PDE8B: variants seen among roughly 807,000 people sequenced by gnomAD.
PDE8B encodes the protein phosphodiesterase 8B.
In PDE8B, 26 loss-of-function variants were observed where a neutral mutation model predicts 101.3. The ratio of observed to expected loss-of-function variants is 0.26; its 90% CI spans 0.19 to 0.36. The LOEUF (loss-of-function observed/expected upper bound fraction) is 0.36, where lower values mean the gene tolerates loss of function less well. Ranked by LOEUF, PDE8B falls within the 10% of genes least tolerant of loss-of-function variation. The pLI, the probability that PDE8B is intolerant of heterozygous loss-of-function variation, is 1.00. For missense variants in PDE8B, 810 were observed against 1,163.1 expected, an observed-to-expected ratio of 0.70 and a Z score of 4.42; for synonymous variants, 424 against 429.3, an observed-to-expected ratio of 0.99 and a Z score of 0.15.
the PDE8B span, chr5:77,147,895 A>G: frequency 6.6e-6 from 1 of 152,212 alleles, no homozygotes. Context: ...TCTCATGAAT[A>G]TGAGCCAGAC....
intron 20 of PDE8B, among the ~76,000 whole-genome samples, chr5:77,425,502 G>A (rs572163831): frequency 1.6e-4 from 24 of 152,228 alleles, no homozygotes; most frequent in Middle Eastern, 3.4e-3. Flanking sequence ...GCAGTGAACC[G>A]AGACTGCACC....
the PDE8B span, among the ~76,000 whole-genome samples, chr5:77,151,653 C>A: frequency 2.0e-5 from 3 of 152,100 alleles, no homozygotes; most frequent in Non-Finnish European, 4.4e-5. Flanking sequence ...GAACACAAGG[C>A]ATGGAGAGGT....
At chr5:77,300,478 C>A (rs1352918244) in intron 1 of PDE8B, among the ~76,000 whole-genome samples, 1 of 152,180 alleles carries the variant, frequency 6.6e-6, no homozygotes, top group Non-Finnish European at 1.5e-5. Context: ...ACCATGGGAG[C>A]CCATCTTCAG....
chr5:77,295,125 C>T (rs1427228622), intron 1 of PDE8B, among the ~76,000 whole-genome samples: 2 of 152,046 alleles, frequency 1.3e-5, no homozygotes, highest in African/African-American at 2.4e-5. Flanking sequence ...GCATCAGAAC[C>T]TGAGAGCAAT....
chr5:77,161,301 T>A, the PDE8B span, among the ~76,000 whole-genome samples: 1 of 152,224 alleles, frequency 6.6e-6, no homozygotes, highest in African/African-American at 2.4e-5. Flanking sequence ...ATATAATACA[T>A]ACTTTTCCAC....
chr5:77,229,665 G>A (rs189017544), intron 1 of PDE8B, among the ~76,000 whole-genome samples: 6 of 152,306 alleles, frequency 3.9e-5, no homozygotes, highest in African/African-American at 1.2e-4. Context: ...GCCTATTGTG[G>A]ACATTTCCTA....
At chr5:77,378,044 A>G (rs1440254415) in intron 10 of PDE8B, among the ~76,000 whole-genome samples, 1 of 104,910 alleles carries the variant, frequency 9.5e-6, no homozygotes, top group East Asian at 2.3e-4. Flanking sequence ...ACACACACAC[A>G]CACACCCCCT....
intron 1 of PDE8B, among the ~76,000 whole-genome samples, chr5:77,290,065 A>G (rs527877797): frequency 6.6e-6 from 1 of 152,388 alleles, no homozygotes; most frequent in South Asian, 2.1e-4. Flanking sequence ...TGCTGTGCCA[A>G]GATACATCCG....
intron 10 of PDE8B, among the ~76,000 whole-genome samples, chr5:77,389,042 T>C (rs1295844921): frequency 6.6e-6 from 1 of 152,132 alleles, no homozygotes; most frequent in Non-Finnish European, 1.5e-5. Flanking sequence ...CCAGACCACT[T>C]GGCTCCCTGG....
intron 1 of PDE8B, among the ~76,000 whole-genome samples, chr5:77,221,673 A>G (rs1751123375): frequency 1.3e-5 from 2 of 152,232 alleles, no homozygotes; most frequent in Admixed American, 1.3e-4. Flanking sequence ...TTTTTTCAAG[A>G]GTTGACTCCC....
At position 77,425,937 on chromosome 5, in the gene PDE8B, T is replaced by G. The variant is rs762768299; in HGVS notation, c.2548+41T>G. The G allele has an allele frequency of 8.2e-6, 13 of 1,585,520 alleles. 1 individual carries two copies. The highest frequency in any genetic ancestry group is 3.4e-4 in the Middle Eastern group (2 of 5,918). On this transcript the variant is annotated intron_variant, in intron 21 of 21. Transcript: ENST00000264917. ...TTTTGTCACCCAAAGAAAATTGTTA[T>G]ACTTTACGAATATTATCTTTAGTGA... is the stretch of plus-strand genomic sequence containing the variant.
chr5:77,170,344 TA>T, the PDE8B span, among the ~76,000 whole-genome samples: 16 of 152,134 alleles, frequency 1.1e-4, no homozygotes. Flanking sequence ...TCCCTTCTCT[TA>T]AGGAGCTCAT....
At chr5:77,251,337 TTTC>T (rs1758015453) in intron 1 of PDE8B, among the ~76,000 whole-genome samples, 1 of 152,236 alleles carries the variant, frequency 6.6e-6, no homozygotes, top group Non-Finnish European at 1.5e-5. Context: ...TAGGTGTGAC[TTTC>T]TTCTTATATA....
chr5:77,103,370 C>T, the PDE8B span, among the ~76,000 whole-genome samples: 10 of 152,178 alleles, frequency 6.6e-5, no homozygotes, highest in Admixed American at 6.5e-4. Flanking sequence ...AGTTATTTTT[C>T]TCCGTGACTC....
intron 17 of PDE8B, among the ~76,000 whole-genome samples, chr5:77,413,632 C>G (rs1223895640): frequency 6.6e-6 from 1 of 152,056 alleles, no homozygotes; most frequent in Admixed American, 6.6e-5. Context: ...ATTATTACAG[C>G]AAATGGTTAC....
the PDE8B span, among the ~76,000 whole-genome samples, chr5:77,167,988 A>C: frequency 6.6e-6 from 1 of 152,140 alleles, no homozygotes; most frequent in African/African-American, 2.4e-5. Flanking sequence ...GAATGTGAGA[A>C]TCCTCACTGC....
At chr5:77,294,078 C>A (rs953430554) in intron 1 of PDE8B, among the ~76,000 whole-genome samples, 3 of 152,086 alleles carry the variant, frequency 2.0e-5, no homozygotes, top group African/African-American at 7.2e-5. Context: ...TTTTTTCTTT[C>A]ATGGATCCTG....
At chr5:77,161,315 G>A in the PDE8B span, among the ~76,000 whole-genome samples, 1 of 152,004 alleles carries the variant, frequency 6.6e-6, no homozygotes. Context: ...TTTCCACAAA[G>A]CATGATTTTG....
chr5:77,226,887 G>C (rs1246033427), intron 1 of PDE8B, among the ~76,000 whole-genome samples: 1 of 152,144 alleles, frequency 6.6e-6, no homozygotes, highest in Non-Finnish European at 1.5e-5. Context: ...GCATCTGTTG[G>C]ACATTGTAAT....
Sources: allele counts gnomAD v4.1 joint callset (sites outside exome capture counted in the v4.1 genomes callset), GRCh38; gene constraint gnomAD v4.1.1; transcripts MANE v1.5; gene names NCBI Gene and HGNC (gene_info 2026-07-23, HGNC 2026-07-21).